Variants in HTRA3 observed in about 807,000 individuals in gnomAD.
The protein encoded by HTRA3 is serine protease HTRA3.
A neutral mutation model predicts 43.2 loss-of-function variants in HTRA3; 41 were observed. The observed-to-expected ratio is 0.95, with a 90% confidence interval of 0.74 to 1.23. HTRA3 has a LOEUF of 1.23. Ranked by LOEUF, HTRA3 falls within the 50% of genes most tolerant of loss-of-function variation. The probability of loss-of-function intolerance (pLI) is 0.00; values close to 1 mark genes in which losing one functional copy is unlikely to be tolerated. For missense variants in HTRA3, 628 were observed against 647.1 expected, an observed-to-expected ratio of 0.97 and a Z score of 0.32; for synonymous variants, 295 against 287.9, an observed-to-expected ratio of 1.02 and a Z score of -0.25.
chr4:8,280,836 G>A (rs772821786), intron 1 of HTRA3, among the ~76,000 whole-genome samples: 2 of 152,202 alleles, frequency 1.3e-5, no homozygotes, highest in Non-Finnish European at 2.9e-5. Flanking sequence ...CCTGCGGGCC[G>A]GTTGAGAGGC....
intron 1 of HTRA3, among the ~76,000 whole-genome samples, chr4:8,274,107 C>CTT (rs973239145): frequency 6.6e-6 from 1 of 152,220 alleles, no homozygotes; most frequent in African/African-American, 2.4e-5. Context: ...CCTTGACTCA[C>CTT]AGGGCCCTGT....
At chr4:8,287,712 A>T (rs936524344) in intron 3 of HTRA3, among the ~76,000 whole-genome samples, 5 of 152,080 alleles carry the variant, frequency 3.3e-5, no homozygotes, top group African/African-American at 1.2e-4. Context: ...TTGACATGAG[A>T]TTTGGGTGGC....
chr4:8,295,694 G>GC lies in HTRA3; in HGVS notation c.1051+1498dup. On this transcript the variant is annotated intron_variant, in intron 6 of 8. Transcript: ENST00000307358. The surrounding 1 kb of genome is among the most constrained non-coding windows in gnomAD (Gnocchi z 6.9). Reference sequence around the variant, plus strand: ...CACATTGCTTTGCTGTCTCCTCCCAGCCCCCTCACTGGCAGTTCATTGAGA... The same window carrying GC: ...CACATTGCTTTGCTGTCTCCTCCCAGCCCCCCTCACTGGCAGTTCATTGAGA... 1 of 1,417,558 alleles carries GC rather than the reference G, an allele frequency of 7.1e-7. No individual in the cohort carries two copies. Among genetic ancestry groups the GC allele is most frequent in the Non-Finnish European group, 9.2e-7 (1 of 1,083,678 alleles). The allele number at this position is 1,417,558 out of a possible 1,614,324, so 87.8% of individuals were successfully genotyped here.
intron 6 of HTRA3, among the ~76,000 whole-genome samples, chr4:8,294,443 C>T (rs1713365036): frequency 6.6e-6 from 1 of 151,896 alleles, no homozygotes; most frequent in South Asian, 2.1e-4. Flanking sequence ...TCCCCTGCCC[C>T]TCCAAGGCTG....
In HTRA3 at chr4:8,294,112, C is replaced by A. The variant is rs151074010; in HGVS notation, c.962C>A (p.Thr321Lys). ...NLDGEVIGINTLKVTAGISFA... is the reference protein window; with the variant it reads ...NLDGEVIGINKLKVTAGISFA... ...GATGGCGAGGTCATTGGCATCAACA[C>A]GCTCAAGGTCACGGCTGGCATCTCC... The change falls in exon 6 of 9, where the codon ACG (threonine) becomes AAG (lysine). Residue 321 changes from threonine to lysine, a missense_variant. Thr to Lys is a moderately conservative substitution (Grantham distance 78, BLOSUM62 -1). Coordinates refer to ENST00000307358, the MANE Select transcript of HTRA3 (RefSeq NM_053044.5). The A allele has an allele frequency of 1.9e-6, 3 of 1,611,790 alleles. No homozygotes were observed. The highest frequency in any genetic ancestry group is 2.2e-5 in the East Asian group (1 of 44,818).
intron 2 of HTRA3, among the ~76,000 whole-genome samples, chr4:8,285,848 T>C (rs539179889): frequency 6.6e-6 from 1 of 152,350 alleles, no homozygotes; most frequent in Non-Finnish European, 1.5e-5. Flanking sequence ...GTCCTGCATC[T>C]GCCTGCTGCC....
At position 8,304,285 on chromosome 4, in the gene HTRA3, C is replaced by T. The variant is rs1713759045; in HGVS notation, c.1196+6C>T. On this transcript the variant is annotated splice_donor_region_variant and intron_variant, in intron 8 of 8. Transcript: ENST00000307358. The stretch of plus-strand genomic sequence containing the variant: ...CCGAATTCACCTTCTCAGAGGTAGG[C>T]TCTGCCAGAGGAGATCGCTCGAGGC... The T allele has an allele frequency of 6.2e-7, 1 of 1,612,440 alleles. No homozygotes were observed. Among genetic ancestry groups the T allele is most frequent in the Non-Finnish European group, 8.5e-7 (1 of 1,178,606 alleles).
chr4:8,303,933 C>T (rs1053906545), intron 7 of HTRA3, among the ~76,000 whole-genome samples: 3 of 152,200 alleles, frequency 2.0e-5, no homozygotes, highest in South Asian at 2.1e-4. Context: ...TCCATCCTCC[C>T]GCCCCTCCTC....
At chr4:8,271,505 A>T (rs764290419) in intron 1 of HTRA3, among the ~76,000 whole-genome samples, 31 of 152,180 alleles carry the variant, frequency 2.0e-4, no homozygotes, top group Non-Finnish European at 4.4e-4. Flanking sequence ...AGCTAGGATT[A>T]TGTGGAAGAG....
At chr4:8,278,667 C>A (rs183919371) in intron 1 of HTRA3, among the ~76,000 whole-genome samples, 1 of 152,252 alleles carries the variant, frequency 6.6e-6, no homozygotes, top group Admixed American at 6.5e-5. Context: ...CACCGAGGTC[C>A]GCTTAAAGGG....
Position 8,282,516 on chromosome 4 carries a change from C to T in HTRA3, c.465C>T (p.Val155=), listed in dbSNP as rs1396398202. The stretch of plus-strand genomic sequence containing the variant: ...TGGAGAAGATCGCACCAGCCGTGGT[C>T]CACATAGAGCTCTTCCTGAGGTGGG... ...DVVEKIAPAV[V]HIELFLRHPL... is the part of the protein sequence containing the mutation. Residue 155 remains valine (V), a synonymous_variant, in exon 2 of 9, where the codon GTC becomes GTT. Coordinates refer to ENST00000307358, the MANE Select transcript of HTRA3 (RefSeq NM_053044.5). 6.2e-7 allele frequency: 1 copy of T among 1,613,748 alleles called. No individual in the cohort carries two copies. Among genetic ancestry groups the T allele is most frequent in the East Asian group, 2.2e-5 (1 of 44,894 alleles).
Position 8,295,682 on chromosome 4 carries a change from T to C in HTRA3, c.1051+1481T>C. On this transcript the variant is annotated intron_variant, in intron 6 of 8. Transcript: ENST00000307358. This position sits in a 1 kb window ranked among gnomAD's most constrained non-coding sequence, Gnocchi z 6.9. ...AACTCACACTTCCACATTGCTTTGCTGTCTCCTCCCAGCCCCCTCACTGGC... is the reference window on the plus strand; with the variant it reads ...AACTCACACTTCCACATTGCTTTGCCGTCTCCTCCCAGCCCCCTCACTGGC... 7.0e-7 allele frequency: 1 copy of C among 1,419,956 alleles called. No homozygotes were observed. The highest frequency in any genetic ancestry group is 9.2e-7 in the Non-Finnish European group (1 of 1,084,652). The allele number at this position is 1,419,956 out of a possible 1,614,324, so 88.0% of individuals were successfully genotyped here. A position where few individuals can be genotyped will look rare whatever the true frequency, so the allele number is the denominator to read the frequency against.
At position 8,295,319 on chromosome 4, in the gene HTRA3, G is replaced by T. The variant is rs1176443593; in HGVS notation, c.1051+1118G>T. On this transcript the variant is annotated intron_variant, in intron 6 of 8. Coordinates refer to ENST00000307358, the MANE Select transcript of HTRA3 (RefSeq NM_053044.5). The surrounding 1 kb of genome is among the most constrained non-coding windows in gnomAD (Gnocchi z 6.9). ...AGAGTCCAATACCTCGTCTTTGGAA[G>T]TCACCCTCCTCCAAGCCCCCATTTC... 1.7e-4 allele frequency among the ~76,000 whole-genome samples: 26 copies of T among 152,082 alleles called. No homozygotes were observed. Among genetic ancestry groups the T allele is most frequent in the Admixed American group, 1.7e-3 (26 of 15,268 alleles).
Position 8,290,768 on chromosome 4 carries a change from C to A in HTRA3, c.709-602C>A, listed in dbSNP as rs577734533. ...GTCAGATAATCAGACAGACAGGCTCCGCTGGGCCCGCGCAAAAGCAGAAGA... is the reference window on the plus strand; with the variant it reads ...GTCAGATAATCAGACAGACAGGCTCAGCTGGGCCCGCGCAAAAGCAGAAGA... On this transcript the variant is annotated intron_variant, in intron 3 of 8. Transcript: ENST00000307358. 6.1e-4 allele frequency among the ~76,000 whole-genome samples: 93 copies of A among 152,286 alleles called. 1 individual carries two copies. Among genetic ancestry groups the A allele is most frequent in the Non-Finnish European group, 7.5e-4 (51 of 68,016 alleles).
chr4:8,285,373 G>A (rs547830779), intron 2 of HTRA3, among the ~76,000 whole-genome samples: 28 of 152,274 alleles, frequency 1.8e-4, no homozygotes, highest in Admixed American at 1.8e-3. Context: ...GCCATCTCTG[G>A]TCCTGTGGGT....
chr4:8,289,488 C>A (rs564534740), intron 3 of HTRA3, among the ~76,000 whole-genome samples: 42 of 152,308 alleles, frequency 2.8e-4, no homozygotes, highest in Non-Finnish European at 4.3e-4. Flanking sequence ...AGACTAGGGG[C>A]AGGTCTGTCT....
At chr4:8,283,287 C>A (rs562199861) in intron 2 of HTRA3, among the ~76,000 whole-genome samples, 4 of 152,256 alleles carry the variant, frequency 2.6e-5, no homozygotes, top group South Asian at 4.1e-4. Flanking sequence ...TGGTGTGTAC[C>A]GTGTGGCTTC....
At chr4:8,291,846 C>T (rs1187573553) in intron 4 of HTRA3, among the ~76,000 whole-genome samples, 1 of 152,220 alleles carries the variant, frequency 6.6e-6, no homozygotes, top group Non-Finnish European at 1.5e-5. Context: ...CTTTGCCCAG[C>T]TTACACACCC....
intron 8 of HTRA3, 149 bp from the exon 9 acceptor site, chr4:8,305,822 C>T: frequency 1.3e-6 from 1 of 798,628 alleles, no homozygotes. Flanking sequence ...GGTGTGAGAG[C>T]TTTGGGGCTG....
Sources: allele counts gnomAD v4.1 joint callset (sites outside exome capture counted in the v4.1 genomes callset), GRCh38; gene constraint gnomAD v4.1.1; non-coding constraint Gnocchi (gnomAD v3.1); transcripts MANE v1.5; gene names NCBI Gene and HGNC (gene_info 2026-07-23, HGNC 2026-07-21).